Variants in SOCS2 observed in about 807,000 individuals in gnomAD.
The protein encoded by SOCS2 is CIS-2.
SOCS2 carries 10 observed loss-of-function variants against 18.6 expected under a neutral mutation model. The ratio of observed to expected loss-of-function variants is 0.54; its 90% CI spans 0.33 to 0.91. The LOEUF (loss-of-function observed/expected upper bound fraction) is 0.91. Ranked by LOEUF, SOCS2 falls within the 40% of genes least tolerant of loss-of-function variation. The pLI, the probability that SOCS2 is intolerant of heterozygous loss-of-function variation, is 0.02. For synonymous variants in SOCS2, 104 were observed against 104.0 expected, an observed-to-expected ratio of 1.00 and a Z score of 0.00; for missense variants, 231 against 247.2, an observed-to-expected ratio of 0.93 and a Z score of 0.44.
Position 93,575,164 on chromosome 12 carries a change from T to A in SOCS2, c.582T>A (p.Tyr194Ter). Reference protein sequence around the residue: ...PTRLKDYLEEYKFQV With the variant: ...PTRLKDYLEE ...GACTAAAAGATTACTTGGAAGAATA[T>A]AAATTCCAGGTATAAATGTTTCTCT... Residue 194 changes from tyrosine to a stop codon, truncating the protein, a stop_gained, in exon 2 of 2, where the codon TAT (tyrosine) becomes TAA (stop). Coordinates refer to ENST00000551556, the MANE Select transcript of SOCS2 (RefSeq NM_001270471.2). LOFTEE classifies it high-confidence loss of function. 1 of 1,543,636 alleles carries A rather than the reference T, an allele frequency of 6.5e-7. No homozygotes were observed. The highest frequency in any genetic ancestry group is 8.7e-7 in the Non-Finnish European group (1 of 1,149,426).
At chr12:93,614,531 C>CTTT in the SOCS2 span, among the ~76,000 whole-genome samples, 3 of 88,352 alleles carry the variant, frequency 3.4e-5, no homozygotes, top group Admixed American at 1.4e-4. Flanking sequence ...TTCCTTCCTT[C>CTTT]CTTCCTTCCT....
downstream of SOCS2, among the ~76,000 whole-genome samples, chr12:93,578,509 G>A (rs150091226): frequency 3.9e-5 from 6 of 152,256 alleles, no homozygotes; most frequent in African/African-American, 1.4e-4. Context: ...ATCCTTTAGA[G>A]CAAAACAATG....
chr12:93,582,290 T>C (rs547377841), intron 1 of SOCS2, among the ~76,000 whole-genome samples: 2 of 152,268 alleles, frequency 1.3e-5, no homozygotes, highest in East Asian at 3.9e-4. Flanking sequence ...GGGGCAGATC[T>C]TGCAGGCCTG....
chr12:93,592,704 G>A, the SOCS2 span, among the ~76,000 whole-genome samples: 15 of 152,054 alleles, frequency 9.9e-5, no homozygotes, highest in East Asian at 3.8e-4. Context: ...CATTGAGATC[G>A]AATAAACTTG....
the SOCS2 span, among the ~76,000 whole-genome samples, chr12:93,605,367 G>A: frequency 5.3e-5 from 8 of 152,250 alleles, no homozygotes; most frequent in African/African-American, 1.9e-4. Flanking sequence ...AATACACAAT[G>A]GGGAAAATAC....
chr12:93,591,479 T>A, the SOCS2 span, among the ~76,000 whole-genome samples: 3 of 152,206 alleles, frequency 2.0e-5, no homozygotes, highest in East Asian at 3.8e-4. Context: ...GAGTTTCGGT[T>A]ATTTCTCCTT....
the SOCS2 span, among the ~76,000 whole-genome samples, chr12:93,615,237 G>A: frequency 6.6e-6 from 1 of 152,308 alleles, no homozygotes; most frequent in East Asian, 1.9e-4. Flanking sequence ...AGAGAGCAAG[G>A]ACTTTTTTTG....
the SOCS2 span, among the ~76,000 whole-genome samples, chr12:93,608,875 C>T: frequency 1.6e-4 from 25 of 152,174 alleles, no homozygotes; most frequent in African/African-American, 5.8e-4. Context: ...AATTGGTGTT[C>T]CTTTAAGCAG....
chr12:93,622,153 C>T, the SOCS2 span, among the ~76,000 whole-genome samples: 23 of 152,094 alleles, frequency 1.5e-4, no homozygotes, highest in East Asian at 4.0e-3. Context: ...TGATTTCTGG[C>T]TCTTCTTGTA....
the SOCS2 span, among the ~76,000 whole-genome samples, chr12:93,599,440 G>A: frequency 1.3e-5 from 2 of 152,174 alleles, no homozygotes; most frequent in Non-Finnish European, 2.9e-5. Flanking sequence ...AGGATTACAG[G>A]CATGAGCCAC....
the SOCS2 span, among the ~76,000 whole-genome samples, chr12:93,600,632 GA>G: frequency 4.6e-5 from 7 of 151,038 alleles, no homozygotes; most frequent in Admixed American, 2.6e-4. Context: ...CATTTATAGA[GA>G]TTTTTTTATG....
the SOCS2 span, among the ~76,000 whole-genome samples, chr12:93,597,690 C>T: frequency 1.3e-5 from 2 of 152,166 alleles, no homozygotes; most frequent in Non-Finnish European, 2.9e-5. Flanking sequence ...AATATTGTAA[C>T]AATACTTATG....
chr12:93,570,518 TCCTGCACGCCCACCCCC>T (rs1954205130), upstream of SOCS2: 1 of 152,368 alleles, frequency 6.6e-6, no homozygotes, highest in Non-Finnish European at 1.5e-5. Flanking sequence ...CCACAGTCGC[TCCTGCACGCCCACCCCC>T]CGCAAAAGTG....
chr12:93,623,150 A>G, the SOCS2 span, among the ~76,000 whole-genome samples: 1 of 152,116 alleles, frequency 6.6e-6, no homozygotes, highest in Admixed American at 6.5e-5. Flanking sequence ...CAATTGGATC[A>G]TGGGGGCAGC....
At chr12:93,611,890 A>G in the SOCS2 span, among the ~76,000 whole-genome samples, 3 of 151,960 alleles carry the variant, frequency 2.0e-5, no homozygotes, top group African/African-American at 7.3e-5. Context: ...ATCACAAAGG[A>G]GGCCTCCGTT....
At chr12:93,573,457 G>T (rs1263247563) in intron 1 of SOCS2, 1 of 353,710 alleles carries the variant, frequency 2.8e-6, no homozygotes. Context: ...TGCGGCTGCA[G>T]CCCAGGATCT....
At chr12:93,609,819 G>A in the SOCS2 span, among the ~76,000 whole-genome samples, 415 of 152,308 alleles carry the variant, frequency 2.7e-3, 4 homozygotes, top group African/African-American at 8.9e-3. Flanking sequence ...ACAAACTAGG[G>A]TCATTTATAA....
chr12:93,614,740 G>A, the SOCS2 span, among the ~76,000 whole-genome samples: 2 of 150,022 alleles, frequency 1.3e-5, no homozygotes, highest in South Asian at 4.2e-4. Context: ...CTCAGACCCC[G>A]AGCAGCTGGC....
At chr12:93,588,790 T>A in the SOCS2 span, among the ~76,000 whole-genome samples, 40 of 152,246 alleles carry the variant, frequency 2.6e-4, no homozygotes, top group South Asian at 6.2e-4. Flanking sequence ...CTAATTTTTT[T>A]TTTTTATTTT....
Sources: gnomAD v4.1 joint callset for allele counts (sites outside exome capture counted in the v4.1 genomes callset) on GRCh38, gnomAD v4.1.1 for gene constraint, MANE v1.5 for transcripts, NCBI Gene and HGNC (gene_info 2026-07-23, HGNC 2026-07-21) for gene names.